The following AFAP1L2 variants were observed in gnomAD, a reference collection of about 807,000 sequenced individuals.
The protein encoded by AFAP1L2 is actin filament-associated protein 1-like 2.
Under a neutral mutation model 99.3 loss-of-function variants are expected in AFAP1L2, and 46 were observed. That is an observed-to-expected ratio of 0.46 (90% CI 0.37 to 0.59). The LOEUF (loss-of-function observed/expected upper bound fraction) is 0.59. Among genes scored for constraint, AFAP1L2 ranks in the 20% least tolerant of loss-of-function variants. AFAP1L2 has a pLI of 0.00. For missense variants in AFAP1L2, 959 were observed against 1,034.9 expected (o/e 0.93, Z 1.01); for synonymous variants, 397 against 419.1 (o/e 0.95, Z 0.64).
chr10:114,305,652 T>A, intron 10 of AFAP1L2, among the ~76,000 whole-genome samples: 1 of 124,836 alleles, frequency 8.0e-6, no homozygotes, highest in Non-Finnish European at 1.6e-5. Flanking sequence ...GAGATGCAGA[T>A]GCAGGAGGGG....
In AFAP1L2 at chr10:114,331,874, G is replaced by A. The variant is rs769799619; in HGVS notation, c.244C>T (p.Pro82Ser). ...GAGTGCTGGCTGGGCTCCCCATTGG[G>A]TAGCAGGCCCTGCTCCTCAGGCGCT... ...GKAPEEQGLL[P>S]NGEPSQHSSA... is the part of the protein sequence containing the mutation. The change falls in exon 4 of 19, where the codon CCC (proline) becomes TCC (serine). Residue 82 changes from proline (P) to serine (S), a missense_variant. Coordinates refer to ENST00000304129, the MANE Select transcript of AFAP1L2 (RefSeq NM_001001936.3). 9.6e-6 allele frequency: 13 copies of A among 1,352,658 alleles called. No homozygotes were observed. Among genetic ancestry groups the A allele is most frequent in the Non-Finnish European group, 1.1e-5 (12 of 1,044,096 alleles). 83.8% of individuals were successfully genotyped at this position (1,352,658 alleles called of 1,614,324 possible). A position where few individuals can be genotyped will look rare whatever the true frequency, so the allele number is the denominator to read the frequency against.
chr10:114,295,733 A>G lies in AFAP1L2; in HGVS notation c.*309T>C, dbSNP rs933903238. 4.5e-6 allele frequency: 5 copies of G among 1,108,858 alleles called. No individual in the cohort carries two copies. In the African/African-American group the frequency reaches 8.2e-5, roughly 18 times the overall value. The allele number at this position is 1,108,858 out of a possible 1,614,324, so 68.7% of individuals were successfully genotyped here. A position where few individuals can be genotyped will look rare whatever the true frequency, so the allele number is the denominator to read the frequency against. ...TCTAAACAGGAGGTTTTCACTATTTAAAAATCTTAGTAAAGCAATTGATGA... is the reference window on the plus strand; with the variant it reads ...TCTAAACAGGAGGTTTTCACTATTTGAAAATCTTAGTAAAGCAATTGATGA... On this transcript the variant is annotated 3_prime_UTR_variant, in exon 19 of 19. Transcript: ENST00000304129.
intron 1 of AFAP1L2, among the ~76,000 whole-genome samples, chr10:114,348,149 T>A (rs1446812576): frequency 6.6e-6 from 1 of 152,228 alleles, no homozygotes; most frequent in Non-Finnish European, 1.5e-5. Flanking sequence ...TAAGACTGAG[T>A]ACAATTCCAT....
At chr10:114,291,242 C>T (rs1402067823), downstream of AFAP1L2, 3 of 1,550,184 alleles carry the variant, frequency 1.9e-6, no homozygotes, top group African/African-American at 1.4e-5. Context: ...CCCTGAGGCA[C>T]ATGGCTCCCG....
the AFAP1L2 span, chr10:114,289,600 GCTTCC>G: frequency 3.1e-6 from 4 of 1,285,306 alleles, no homozygotes; most frequent in African/African-American, 2.9e-5. Flanking sequence ...CTGAGCACTT[GCTTCC>G]CAAGTGCCAG....
In AFAP1L2 at chr10:114,295,208, G is replaced by A. The variant is rs1490794619; in HGVS notation, c.*834C>T. ...ATAACTCTTCCCTTAAAAATGGCCT[G>A]ACCACAGCAATGAATCTGTAAACAC... On this transcript the variant is annotated 3_prime_UTR_variant, in exon 19 of 19. Transcript: ENST00000304129. 2 of 985,698 alleles carry A rather than the reference G, an allele frequency of 2.0e-6. No individual in the cohort carries two copies. The highest frequency in any genetic ancestry group is 2.3e-4 in the East Asian group (2 of 8,816). The allele number at this position is 985,698 out of a possible 1,614,324, so 61.1% of individuals were successfully genotyped here.
At chr10:114,371,288 G>T (rs2054060467) in intron 1 of AFAP1L2, among the ~76,000 whole-genome samples, 2 of 152,174 alleles carry the variant, frequency 1.3e-5, no homozygotes, top group Non-Finnish European at 2.9e-5. Context: ...GTGCTGAGAA[G>T]GTGATGGAAA....
intron 1 of AFAP1L2, among the ~76,000 whole-genome samples, chr10:114,369,367 G>A (rs576585740): frequency 1.3e-4 from 20 of 152,164 alleles, no homozygotes; most frequent in Middle Eastern, 3.4e-3. Flanking sequence ...AGGCCGAGGC[G>A]GGCGGATCAC....
Position 114,297,347 on chromosome 10 carries a change from T to C in AFAP1L2, c.2180A>G (p.Glu727Gly). The C allele has an allele frequency of 6.2e-7, 1 of 1,613,826 alleles. No homozygotes were observed. Among genetic ancestry groups the C allele is most frequent in the Non-Finnish European group, 8.5e-7 (1 of 1,180,004 alleles). Reference protein sequence around the residue: ...KEIDEECRGEESRRVDLELSI... With the variant: ...KEIDEECRGEGSRRVDLELSI... ...GAGCTCCAGGTCCACGCGCCTGCTC[T>C]CCTCGCCCCGGCACTCCTCGTCAAT... The change falls in exon 17 of 19, where the codon GAG becomes GGG. Residue 727 changes from glutamate to glycine, a missense_variant. Transcript: ENST00000304129.
rs1194508270 is a variant in AFAP1L2 at position 114,333,265 on chromosome 10, T to G, written c.176A>C (p.Lys59Thr). 6.2e-7 allele frequency: 1 copy of G among 1,614,050 alleles called. No individual in the cohort carries two copies. The highest frequency in any genetic ancestry group is 1.7e-5 in the Admixed American group (1 of 60,022). ...SSDEEYIYMN[K>T]VTINKQQNAE... ...ATTCTGTTGCTTGTTGATGGTCACT[T>G]TGTTCATATAAATGTACTCCTCATC... The change falls in exon 3 of 19, where the codon AAA (lysine) becomes ACA (threonine). Residue 59 changes from lysine to threonine, a missense_variant. By Grantham distance (78) the Lys-to-Thr change is moderately conservative. This residue lies in a region of AFAP1L2 where 383 missense variants were observed against 472.8 expected (regional missense o/e 0.81). Coordinates refer to ENST00000304129, the MANE Select transcript of AFAP1L2 (RefSeq NM_001001936.3).
At chr10:114,327,881 C>A (rs2046622689) in intron 4 of AFAP1L2, among the ~76,000 whole-genome samples, 1 of 152,246 alleles carries the variant, frequency 6.6e-6, no homozygotes, top group Non-Finnish European at 1.5e-5. Context: ...GAGTATGCTG[C>A]AGAAGGCTCC....
At chr10:114,395,616 A>G (rs934939928) in intron 1 of AFAP1L2, among the ~76,000 whole-genome samples, 1 of 152,032 alleles carries the variant, frequency 6.6e-6, no homozygotes, top group African/African-American at 2.4e-5. Context: ...AAACTGGGGG[A>G]GAAAAAAACG....
chr10:114,300,778 G>A, intron 13 of AFAP1L2, 88 bp from the exon 14 acceptor site: 1 of 1,494,694 alleles, frequency 6.7e-7, no homozygotes, highest in Non-Finnish European at 9.0e-7. Context: ...CACAGTTCTG[G>A]TGCCCATCTC....
rs575176039 is a variant in AFAP1L2, at chr10:114,327,252, G to T, written c.316-3991C>A. On this transcript the variant is annotated intron_variant, in intron 4 of 18. Transcript: ENST00000304129. ...TGATCTCAGTTCACTGCAACTTTCAGCTCCCAGGTTCAAGTGATTCTCCTG... is the reference window on the plus strand; with the variant it reads ...TGATCTCAGTTCACTGCAACTTTCATCTCCCAGGTTCAAGTGATTCTCCTG... 4.8e-4 allele frequency among the ~76,000 whole-genome samples: 69 copies of T among 144,716 alleles called. 1 individual carries two copies. The South Asian group carries it at 0.015, about 31-fold the overall frequency. 94.9% of individuals were successfully genotyped at this position (144,716 alleles called of 152,430 possible). A position where few individuals can be genotyped will look rare whatever the true frequency, so the allele number is the denominator to read the frequency against.
intron 1 of AFAP1L2, among the ~76,000 whole-genome samples, chr10:114,361,106 T>C (rs2052341234): frequency 6.6e-6 from 1 of 152,094 alleles, no homozygotes; most frequent in Non-Finnish European, 1.5e-5. Context: ...TCCCCCCTTA[T>C]AATTAAACCA....
chr10:114,350,065 C>T (rs2050227485), intron 1 of AFAP1L2, among the ~76,000 whole-genome samples: 1 of 152,186 alleles, frequency 6.6e-6, no homozygotes, highest in Non-Finnish European at 1.5e-5. Flanking sequence ...TTGCTCACTG[C>T]CGACCTCTCC....
chr10:114,387,706 C>T (rs1353087373), intron 1 of AFAP1L2, among the ~76,000 whole-genome samples: 4 of 152,168 alleles, frequency 2.6e-5, no homozygotes, highest in Admixed American at 1.3e-4. Context: ...TGATATGAAC[C>T]CAATCTGCAC....
intron 1 of AFAP1L2, among the ~76,000 whole-genome samples, chr10:114,354,412 A>T (rs1335916751): frequency 3.3e-5 from 5 of 152,164 alleles, no homozygotes; most frequent in Non-Finnish European, 7.3e-5. Flanking sequence ...CAGTCCTCTT[A>T]AGCCTTGAAG....
intron 5 of AFAP1L2, among the ~76,000 whole-genome samples, chr10:114,320,122 G>T (rs2044919937): frequency 6.6e-6 from 1 of 152,142 alleles, no homozygotes; most frequent in Non-Finnish European, 1.5e-5. Context: ...AACAGGAGCT[G>T]CTGGGTTATT....
Sources: gnomAD v4.1 joint callset for allele counts (sites outside exome capture counted in the v4.1 genomes callset) on GRCh38, gnomAD v4.1.1 for gene constraint, gnomAD v4.1.1 regional missense constraint, MANE v1.5 for transcripts, NCBI Gene and HGNC (gene_info 2026-07-23, HGNC 2026-07-21) for gene names.